Variants in DGKB observed in about 807,000 individuals in gnomAD.
The protein encoded by DGKB is 90 kDa diacylglycerol kinase.
A neutral mutation model predicts 114.3 loss-of-function variants in DGKB; 67 were observed. The observed-to-expected ratio is 0.59, with a 90% CI of 0.48 to 0.72. DGKB has a LOEUF of 0.72. Among genes scored for constraint, DGKB ranks in the 30% least tolerant of loss-of-function variants. The pLI, the probability that DGKB is intolerant of heterozygous loss-of-function variation, is 0.00. For missense variants in DGKB, 907 were observed against 975.2 expected (o/e 0.93, Z 0.93); for synonymous variants, 398 against 323.1 (o/e 1.23, Z -2.49).
intron 1 of DGKB, among the ~76,000 whole-genome samples, chr7:14,862,405 TGA>T (rs1230979814): frequency 1.4e-4 from 22 of 152,240 alleles, no homozygotes; most frequent in African/African-American, 5.3e-4. Flanking sequence ...TAGCTGCTAA[TGA>T]TTTTTAAGTG....
intron 1 of DGKB, among the ~76,000 whole-genome samples, chr7:14,882,006 C>T (rs1854304533): frequency 6.6e-6 from 1 of 151,764 alleles, no homozygotes; most frequent in Non-Finnish European, 1.5e-5. Flanking sequence ...AAGGAATGAG[C>T]CAAATAACAT....
At chr7:14,227,025 C>A (rs990106952) in intron 23 of DGKB, among the ~76,000 whole-genome samples, 3 of 151,970 alleles carry the variant, frequency 2.0e-5, no homozygotes, top group Non-Finnish European at 4.4e-5. Flanking sequence ...GGTGCCCGCA[C>A]CGCACCAGGC....
In DGKB at chr7:14,586,530, C is replaced by A. The variant is rs559940963; in HGVS notation, c.1434-3393G>T. 1.0e-3 allele frequency among the ~76,000 whole-genome samples: 157 copies of A among 152,242 alleles called. 3 individuals are homozygous for A. The highest frequency in any genetic ancestry group is 1.4e-3 in the Non-Finnish European group (92 of 68,018). ...TTATTGATAAAGGTGGTACGCTAAACAACAATTTTTCAATGTAGACAACAT... is the reference window on the plus strand; with the variant it reads ...TTATTGATAAAGGTGGTACGCTAAAAAACAATTTTTCAATGTAGACAACAT... On this transcript the variant is annotated intron_variant, in intron 17 of 25. Transcript: ENST00000402815.
At chr7:14,168,826 G>A (rs913250598) in intron 25 of DGKB, among the ~76,000 whole-genome samples, 1 of 152,178 alleles carries the variant, frequency 6.6e-6, no homozygotes, top group Non-Finnish European at 1.5e-5. Context: ...TCTGACAGAT[G>A]GGAAGTTAAA....
At chr7:14,561,921 G>C (rs1383540366) in intron 20 of DGKB, among the ~76,000 whole-genome samples, 1 of 152,236 alleles carries the variant, frequency 6.6e-6, no homozygotes, top group Admixed American at 6.5e-5. Context: ...TGGGGAAACT[G>C]TCTCCAGAGC....
intron 23 of DGKB, among the ~76,000 whole-genome samples, chr7:14,310,872 C>T (rs532774934): frequency 6.6e-6 from 1 of 152,252 alleles, no homozygotes; most frequent in South Asian, 2.1e-4. Flanking sequence ...GTGGCTGACG[C>T]CTGTAATCCC....
intron 1 of DGKB, among the ~76,000 whole-genome samples, chr7:14,935,866 T>C (rs1785248889): frequency 6.6e-6 from 1 of 152,088 alleles, no homozygotes; most frequent in Non-Finnish European, 1.5e-5. Flanking sequence ...TGTTGAAATG[T>C]AGATTCTAAT....
intron 22 of DGKB, among the ~76,000 whole-genome samples, chr7:14,339,646 CTATT>C (rs549429583): frequency 9.0e-4 from 137 of 152,050 alleles, no homozygotes; most frequent in African/African-American, 3.2e-3. Flanking sequence ...TTTAAAATTA[CTATT>C]TATTTATTCA....
intron 2 of DGKB, among the ~76,000 whole-genome samples, chr7:14,798,631 A>T (rs1326100969): frequency 6.6e-6 from 1 of 152,064 alleles, no homozygotes; most frequent in African/African-American, 2.4e-5. Flanking sequence ...ACTTTTGGGG[A>T]CTGCTGGACA....
At chr7:14,605,262 G>A (rs943586933) in intron 17 of DGKB, among the ~76,000 whole-genome samples, 6 of 151,544 alleles carry the variant, frequency 4.0e-5, no homozygotes, top group Non-Finnish European at 8.8e-5. Flanking sequence ...TGTATCACCT[G>A]CTTTAGAGTG....
intron 21 of DGKB, 117 bp from the exon 22 acceptor site, chr7:14,345,508 C>G (rs944593429): frequency 6.2e-5 from 35 of 568,906 alleles, no homozygotes; most frequent in Non-Finnish European, 9.6e-5. Flanking sequence ...CATGTGACAT[C>G]TAAAATGTAA....
chr7:14,891,519 C>A (rs961642207), intron 1 of DGKB, among the ~76,000 whole-genome samples: 1 of 151,248 alleles, frequency 6.6e-6, no homozygotes, highest in African/African-American at 2.4e-5. Context: ...GTCAAAGGAA[C>A]ATTAGATTGG....
intron 17 of DGKB, among the ~76,000 whole-genome samples, chr7:14,599,503 C>G (rs1803166597): frequency 6.6e-6 from 1 of 152,176 alleles, no homozygotes; most frequent in East Asian, 1.9e-4. Context: ...TGACAATGAG[C>G]TACCTCCTCA....
chr7:14,855,068 G>C (rs533842633), intron 1 of DGKB, among the ~76,000 whole-genome samples: 2 of 152,206 alleles, frequency 1.3e-5, no homozygotes, highest in Non-Finnish European at 2.9e-5. Context: ...TCTAAAAAAA[G>C]CTACTAGAAA....
At chr7:14,222,546 C>T (rs983681138) in intron 23 of DGKB, among the ~76,000 whole-genome samples, 15 of 151,310 alleles carry the variant, frequency 9.9e-5, no homozygotes, top group South Asian at 2.1e-4. Flanking sequence ...GGCTAGCATT[C>T]GGTCTATCCT....
intron 6 of DGKB, among the ~76,000 whole-genome samples, chr7:14,705,483 C>T (rs540560688): frequency 2.6e-5 from 4 of 151,406 alleles, no homozygotes; most frequent in East Asian, 3.9e-4. Context: ...CAAAGATACT[C>T]GAGAAGAGCA....
intron 16 of DGKB, among the ~76,000 whole-genome samples, chr7:14,612,360 G>A (rs566702144): frequency 2.6e-5 from 4 of 151,758 alleles, no homozygotes; most frequent in Admixed American, 6.6e-5. Flanking sequence ...TAGTAGAGAC[G>A]GGGTTTCACT....
intron 23 of DGKB, among the ~76,000 whole-genome samples, chr7:14,276,587 G>A (rs1799032709): frequency 1.3e-5 from 2 of 151,854 alleles, no homozygotes; most frequent in African/African-American, 4.8e-5. Flanking sequence ...AAAAATTACT[G>A]GAATATATAT....
At position 14,147,877 on chromosome 7, in the gene DGKB, A is replaced by G. The variant is rs1469747857; in HGVS notation, c.*1254T>C. 3 of 152,268 alleles carry G rather than the reference A, an allele frequency of 2.0e-5. No homozygotes were observed. Among genetic ancestry groups the G allele is most frequent in the Non-Finnish European group, 4.4e-5 (3 of 68,018 alleles). 9.4% of individuals were successfully genotyped at this position (152,268 alleles called of 1,614,324 possible). A position where few individuals can be genotyped will look rare whatever the true frequency, so the allele number is the denominator to read the frequency against. ...TCCAACTATGCCATGAACACCTTCA[A>G]CAGTGATCTAGGCTGTTGTTTCCAA... On this transcript the variant is annotated 3_prime_UTR_variant, in exon 26 of 26. Coordinates refer to ENST00000402815, the MANE Select transcript of DGKB (RefSeq NM_001350709.2).
Sources: allele counts gnomAD v4.1 joint callset (sites outside exome capture counted in the v4.1 genomes callset), GRCh38; gene constraint gnomAD v4.1.1; transcripts MANE v1.5; gene names NCBI Gene and HGNC (gene_info 2026-07-23, HGNC 2026-07-21).